The following ANKRD30B variants were observed in gnomAD, a reference collection of about 807,000 sequenced individuals.
The protein encoded by ANKRD30B is ankyrin repeat domain-containing protein 30B.
A neutral mutation model predicts 202.2 loss-of-function variants in ANKRD30B; 144 were observed. That is an observed-to-expected ratio of 0.71 (90% CI 0.62 to 0.82). The LOEUF is 0.82. Among genes scored for constraint, ANKRD30B ranks in the 40% least tolerant of loss-of-function variants. The pLI is 0.00. For synonymous variants in ANKRD30B, 508 were observed against 561.3 expected (o/e 0.91, Z 1.34); for missense variants, 1,487 against 1,669.1 (o/e 0.89, Z 1.90).
At chr18:14,830,211 G>A (rs1474626245) in intron 33 of ANKRD30B, 1 of 154,428 alleles carries the variant, frequency 6.5e-6, no homozygotes, top group African/African-American at 2.4e-5. Context: ...ACTATATATA[G>A]TGGCTCCCAC....
chr18:14,807,303 T>C (rs894454352), intron 24 of ANKRD30B, among the ~76,000 whole-genome samples: 1 of 150,964 alleles, frequency 6.6e-6, no homozygotes, highest in African/African-American at 2.5e-5. Flanking sequence ...TCTGTTTTTT[T>C]CTTGAAGCTA....
At position 14,796,761 on chromosome 18, in the gene ANKRD30B, G is replaced by A. The variant is rs190191225; in HGVS notation, c.1927+346G>A. ...AGGGGAATCACCACCTTGTCGTCCC[G>A]TAGTGCCAACAATTCACTGGATATA... On this transcript the variant is annotated intron_variant, in intron 18 of 43. Transcript: ENST00000690538. Among the ~76,000 whole-genome samples the A allele has an allele frequency of 2.2e-4, 31 of 140,952 alleles. No individual in the cohort carries two copies. In the East Asian group the frequency reaches 3.6e-3, roughly 17 times the overall value. The allele number at this position is 140,952 out of a possible 152,430, so 92.5% of individuals were successfully genotyped here.
At chr18:14,869,869 C>A in the ANKRD30B span, among the ~76,000 whole-genome samples, 1 of 152,014 alleles carries the variant, frequency 6.6e-6, no homozygotes. Flanking sequence ...GGGTCTCACT[C>A]TGTCGCCCAG....
chr18:14,835,354 T>C (rs1164562448), intron 34 of ANKRD30B, among the ~76,000 whole-genome samples: 1 of 151,520 alleles, frequency 6.6e-6, no homozygotes, highest in African/African-American at 2.4e-5. Flanking sequence ...CATAGAATCA[T>C]ACGTAAGGGA....
chr18:14,859,110 C>T (rs574159782), downstream of ANKRD30B, among the ~76,000 whole-genome samples: 1 of 136,776 alleles, frequency 7.3e-6, no homozygotes, highest in Admixed American at 7.0e-5. Flanking sequence ...GGTGGCCGGG[C>T]AGAGGCGCTC....
At chr18:14,922,415 G>T in the ANKRD30B span, among the ~76,000 whole-genome samples, 5 of 152,080 alleles carry the variant, frequency 3.3e-5, no homozygotes, top group African/African-American at 1.2e-4. Context: ...TAGCACTTTG[G>T]GAGGCCGAGG....
At chr18:14,781,255 A>G (rs1967718339) in intron 11 of ANKRD30B, among the ~76,000 whole-genome samples, 1 of 151,692 alleles carries the variant, frequency 6.6e-6, no homozygotes, top group Admixed American at 6.6e-5. Flanking sequence ...TTGTTTACCT[A>G]AATATAGCCG....
chr18:14,890,245 TACAC>T, the ANKRD30B span, among the ~76,000 whole-genome samples: 2 of 152,050 alleles, frequency 1.3e-5, no homozygotes, highest in Non-Finnish European at 2.9e-5. Context: ...CCACAACACA[TACAC>T]ACAAACACCA....
the ANKRD30B span, among the ~76,000 whole-genome samples, chr18:14,878,713 G>C: frequency 6.6e-6 from 1 of 152,056 alleles, no homozygotes; most frequent in Admixed American, 6.6e-5. Context: ...CTTTTCCTGG[G>C]TTTCTATTTT....
the ANKRD30B span, among the ~76,000 whole-genome samples, chr18:14,875,133 C>A: frequency 6.6e-6 from 1 of 152,158 alleles, no homozygotes; most frequent in Non-Finnish European, 1.5e-5. Flanking sequence ...CCTCAGCAAA[C>A]CTCCATGAGG....
chr18:14,893,307 A>C, the ANKRD30B span, among the ~76,000 whole-genome samples: 1 of 152,140 alleles, frequency 6.6e-6, no homozygotes, highest in African/African-American at 2.4e-5. Flanking sequence ...AGGCACAAAT[A>C]TTTATAGAAG....
chr18:14,770,595 C>A (rs545040465), intron 8 of ANKRD30B, among the ~76,000 whole-genome samples: 1 of 152,166 alleles, frequency 6.6e-6, no homozygotes, highest in African/African-American at 2.4e-5. Context: ...AAGAAACAAT[C>A]CCAGGATTGG....
chr18:14,791,956 G>T (rs1052831447), intron 16 of ANKRD30B, among the ~76,000 whole-genome samples: 6 of 152,216 alleles, frequency 3.9e-5, no homozygotes, highest in African/African-American at 1.4e-4. Context: ...AAAATATTCT[G>T]ACTCTTCCTG....
the ANKRD30B span, among the ~76,000 whole-genome samples, chr18:14,921,461 C>T: frequency 6.6e-6 from 1 of 152,070 alleles, no homozygotes; most frequent in Non-Finnish European, 1.5e-5. Flanking sequence ...GAGCAGGAGA[C>T]ACAACCCAAG....
chr18:14,804,656 G>A (rs1479578809), intron 24 of ANKRD30B, among the ~76,000 whole-genome samples: 1 of 150,730 alleles, frequency 6.6e-6, no homozygotes, highest in Non-Finnish European at 1.5e-5. Flanking sequence ...AAAAGGGTCA[G>A]GAGAAAGCAT....
the ANKRD30B span, among the ~76,000 whole-genome samples, chr18:14,866,477 G>A: frequency 6.6e-6 from 1 of 152,272 alleles, no homozygotes; most frequent in Non-Finnish European, 1.5e-5. Flanking sequence ...GTAGGAGGGT[G>A]GCTGGCAGCT....
chr18:14,782,686 C>T (rs540295246), intron 12 of ANKRD30B, 72 bp downstream of exon 12: 14 of 928,088 alleles, frequency 1.5e-5, no homozygotes, highest in Non-Finnish European at 2.0e-5. Flanking sequence ...CTGAAATACT[C>T]TAATAGCCAA....
At chr18:14,873,870 G>A in the ANKRD30B span, among the ~76,000 whole-genome samples, 1 of 152,070 alleles carries the variant, frequency 6.6e-6, no homozygotes, top group Non-Finnish European at 1.5e-5. Flanking sequence ...CATTTAACTC[G>A]GTGTCAAGTG....
At chr18:14,919,913 G>A in the ANKRD30B span, among the ~76,000 whole-genome samples, 3 of 152,352 alleles carry the variant, frequency 2.0e-5, no homozygotes, top group Non-Finnish European at 4.4e-5. Flanking sequence ...GCAGGTCAAA[G>A]TCCAGGCTTC....
Sources: allele counts gnomAD v4.1 joint callset (sites outside exome capture counted in the v4.1 genomes callset), GRCh38; gene constraint gnomAD v4.1.1; transcripts MANE v1.5; gene names NCBI Gene and HGNC (gene_info 2026-07-23, HGNC 2026-07-21).